CDH18: variants seen among roughly 807,000 people sequenced by gnomAD.
CDH18 encodes cadherin 18, also known as cadherin-18.
A neutral mutation model predicts 67.9 loss-of-function variants in CDH18; 31 were observed. That is an observed-to-expected ratio of 0.46 (90% confidence interval 0.34 to 0.62). CDH18 has a LOEUF of 0.62. CDH18 is among the 20% of genes least tolerant of loss of function. The pLI is 0.01. For missense variants in CDH18, 890 were observed against 975.5 expected, an observed-to-expected ratio of 0.91 and a Z score of 1.17; for synonymous variants, 362 against 347.2, an observed-to-expected ratio of 1.04 and a Z score of -0.48.
At chr5:20,564,787 G>A (rs147861895) in intron 1 of CDH18, among the ~76,000 whole-genome samples, 1 of 152,010 alleles carries the variant, frequency 6.6e-6, no homozygotes, top group African/African-American at 2.4e-5. Flanking sequence ...CACTGTAAGG[G>A]TCAGAGATCT....
chr5:19,895,396 T>C (rs941921705), intron 2 of CDH18, among the ~76,000 whole-genome samples: 1 of 152,192 alleles, frequency 6.6e-6, no homozygotes, highest in Non-Finnish European at 1.5e-5. Context: ...CTTACTTGAA[T>C]TTGTCTTAGC....
At chr5:20,243,791 G>A (rs1490813186) in intron 2 of CDH18, among the ~76,000 whole-genome samples, 8 of 152,064 alleles carry the variant, frequency 5.3e-5, no homozygotes, top group Non-Finnish European at 1.0e-4. Context: ...TATCATTGTA[G>A]CCTAGACTAG....
intron 11 of CDH18, among the ~76,000 whole-genome samples, chr5:19,488,575 G>C (rs536503277): frequency 1.3e-5 from 2 of 151,944 alleles, no homozygotes. Flanking sequence ...TCAGTCTTGC[G>C]GCAGAAATAG....
chr5:19,621,011 T>C (rs1750602856), intron 5 of CDH18, among the ~76,000 whole-genome samples: 1 of 152,082 alleles, frequency 6.6e-6, no homozygotes, highest in Non-Finnish European at 1.5e-5. Flanking sequence ...TGAACTATCA[T>C]GGGTAAGAGA....
In CDH18 at chr5:20,243,002, C is replaced by T. The variant is rs1198743919; in HGVS notation, c.-518+12442G>A. 2.0e-5 allele frequency among the ~76,000 whole-genome samples: 3 copies of T among 152,042 alleles called. No homozygotes were observed. The East Asian group carries it at 5.8e-4, about 29-fold the overall frequency. On this transcript the variant is annotated intron_variant, in intron 2 of 14. Coordinates refer to the CDH18 transcript ENST00000507958. ...ATCTTACAATGGTTCAAATACAATT[C>T]ATGTTTAATTGTTGCTCACATGAAA...
At chr5:19,586,292 CA>C (rs1448658694) in intron 7 of CDH18, among the ~76,000 whole-genome samples, 4 of 152,058 alleles carry the variant, frequency 2.6e-5, no homozygotes, top group Non-Finnish European at 4.4e-5. Flanking sequence ...GTCTGCCGCA[CA>C]GATTAACCCA....
intron 1 of CDH18, among the ~76,000 whole-genome samples, chr5:20,433,595 G>A (rs952662054): frequency 2.0e-5 from 3 of 152,068 alleles, no homozygotes; most frequent in Non-Finnish European, 4.4e-5. Flanking sequence ...GGAGATATTT[G>A]AGGAGGAGAG....
At chr5:19,561,403 C>A (rs986832380) in intron 8 of CDH18, among the ~76,000 whole-genome samples, 4 of 152,036 alleles carry the variant, frequency 2.6e-5, no homozygotes, top group African/African-American at 9.7e-5. Context: ...TTCAATAACT[C>A]GGGAATGGAA....
chr5:19,627,490 T>C (rs971786793), intron 5 of CDH18, among the ~76,000 whole-genome samples: 1 of 152,182 alleles, frequency 6.6e-6, no homozygotes, highest in Non-Finnish European at 1.5e-5. Context: ...ATTCAACAGA[T>C]TGCAACAACT....
chr5:19,754,673 A>C (rs185039717), intron 3 of CDH18, among the ~76,000 whole-genome samples: 2 of 152,248 alleles, frequency 1.3e-5, no homozygotes. Flanking sequence ...TTAACAGATA[A>C]ATGCAGAACA....
At chr5:20,361,118 T>G (rs1742054894) in intron 1 of CDH18, among the ~76,000 whole-genome samples, 1 of 152,022 alleles carries the variant, frequency 6.6e-6, no homozygotes, top group Non-Finnish European at 1.5e-5. Context: ...TCTGCAATGC[T>G]TTCTACCAAA....
rs115128337 is a variant in CDH18, at chr5:19,936,717, T to C, written c.-257+44343A>G. 6.9e-3 allele frequency among the ~76,000 whole-genome samples: 1,041 copies of C among 151,194 alleles called. 12 individuals carry two copies. The highest frequency in any genetic ancestry group is 0.024 in the African/African-American group (992 of 41,466). On this transcript the variant is annotated intron_variant, in intron 2 of 12. Coordinates refer to ENST00000382275, the MANE Select transcript of CDH18 (RefSeq NM_004934.5). ...GATTCTGAATATATTTCTTGAAGTT[T>C]TAAACAAAATAGCCCTAAACTTATC...
intron 1 of CDH18, among the ~76,000 whole-genome samples, chr5:20,351,247 G>A (rs891917195): frequency 4.1e-5 from 5 of 121,136 alleles, no homozygotes. Context: ...ACTCCATGGG[G>A]GTTGTTTTTT....
intron 1 of CDH18, among the ~76,000 whole-genome samples, chr5:20,259,515 TGAC>T (rs1361844314): frequency 6.6e-6 from 1 of 152,178 alleles, no homozygotes; most frequent in African/African-American, 2.4e-5. Context: ...AAGGCCTTTA[TGAC>T]GATCTACTTC....
At chr5:20,335,023 AGT>A (rs202029839) in intron 1 of CDH18, among the ~76,000 whole-genome samples, 1,966 of 152,036 alleles carry the variant, frequency 0.013, 12 homozygotes, top group Non-Finnish European at 0.019. Context: ...GGTCTTTTTG[AGT>A]CTTCTCTTTG....
rs548649090 is a variant in CDH18, at chr5:19,791,307, T to C, written c.229-44071A>G. On this transcript the variant is annotated intron_variant, in intron 3 of 12. Coordinates refer to ENST00000382275, the MANE Select transcript of CDH18 (RefSeq NM_004934.5). ...TGAGCAGGTACTCACGGAACACAGA[T>C]GTGTGGGCTCCTAGGAAACCTAATG... Among the ~76,000 whole-genome samples the C allele has an allele frequency of 9.9e-5, 15 of 150,856 alleles. No individual in the cohort carries two copies. In the South Asian group the frequency reaches 3.1e-3, roughly 31 times the overall value.
At chr5:20,458,286 G>C (rs974694351) in intron 1 of CDH18, among the ~76,000 whole-genome samples, 1 of 152,074 alleles carries the variant, frequency 6.6e-6, no homozygotes, top group African/African-American at 2.4e-5. Context: ...AATAAGAAAT[G>C]AAGTACCATA....
At chr5:19,514,763 T>C (rs530717700) in intron 10 of CDH18, among the ~76,000 whole-genome samples, 1 of 152,306 alleles carries the variant, frequency 6.6e-6, no homozygotes, top group Admixed American at 6.5e-5. Context: ...GTCAGATGAG[T>C]AGATTGCAAA....
intron 1 of CDH18, among the ~76,000 whole-genome samples, chr5:20,380,695 C>T (rs1743838689): frequency 6.6e-6 from 1 of 152,018 alleles, no homozygotes. Context: ...ATTTTTGCTC[C>T]TTCACTCAAC....
Sources: allele counts gnomAD v4.1 joint callset (sites outside exome capture counted in the v4.1 genomes callset), GRCh38; gene constraint gnomAD v4.1.1; transcripts MANE v1.5; gene names NCBI Gene and HGNC (gene_info 2026-07-23, HGNC 2026-07-21).